The following TRAPPC9 variants were observed in gnomAD, a reference collection of about 807,000 sequenced individuals.
The protein encoded by TRAPPC9 is trafficking protein particle complex subunit 9.
Under a neutral mutation model 124.0 loss-of-function variants are expected in TRAPPC9, and 83 were observed. The observed-to-expected ratio is 0.67, with a 90% confidence interval of 0.56 to 0.80. The LOEUF is 0.80. Among genes scored for constraint, TRAPPC9 ranks in the 30% least tolerant of loss-of-function variants. The pLI is 0.00. For missense variants in TRAPPC9, 1,302 were observed against 1,508.3 expected, an observed-to-expected ratio of 0.86 and a Z score of 2.27; for synonymous variants, 638 against 617.5, an observed-to-expected ratio of 1.03 and a Z score of -0.49.
At chr8:139,939,028 C>T (rs1833725320) in intron 19 of TRAPPC9, among the ~76,000 whole-genome samples, 2 of 152,202 alleles carry the variant, frequency 1.3e-5, no homozygotes, top group African/African-American at 2.4e-5. Flanking sequence ...CTCCATTCCT[C>T]CCTGCCACTT....
intron 21 of TRAPPC9, among the ~76,000 whole-genome samples, chr8:139,818,602 T>C (rs368163842): frequency 3.3e-5 from 5 of 152,008 alleles, no homozygotes; most frequent in African/African-American, 1.2e-4. Flanking sequence ...AAAAAAATAG[T>C]AACACAGTCA....
At chr8:139,842,984 C>G (rs1826842480) in intron 21 of TRAPPC9, among the ~76,000 whole-genome samples, 1 of 152,226 alleles carries the variant, frequency 6.6e-6, no homozygotes, top group African/African-American at 2.4e-5. Context: ...TTGCCAGATG[C>G]TTCCAGCCAA....
intron 17 of TRAPPC9, among the ~76,000 whole-genome samples, chr8:140,202,255 A>C (rs964367584): frequency 6.6e-6 from 1 of 152,130 alleles, no homozygotes; most frequent in Non-Finnish European, 1.5e-5. Flanking sequence ...CTCTTTGGCC[A>C]AATTATGACA....
chr8:139,966,612 ACT>A, intron 19 of TRAPPC9, among the ~76,000 whole-genome samples: 1 of 152,240 alleles, frequency 6.6e-6, no homozygotes, highest in East Asian at 1.9e-4. Flanking sequence ...TGCTTGGCAC[ACT>A]CTGCGTCTCA....
intron 17 of TRAPPC9, among the ~76,000 whole-genome samples, chr8:140,113,596 G>A (rs2060822955): frequency 6.6e-6 from 1 of 152,196 alleles, no homozygotes; most frequent in Non-Finnish European, 1.5e-5. Flanking sequence ...AAGTCAGGGA[G>A]GAGACGCCAG....
At chr8:140,293,227 G>C (rs990095131) in intron 11 of TRAPPC9, among the ~76,000 whole-genome samples, 2 of 149,816 alleles carry the variant, frequency 1.3e-5, no homozygotes, top group Non-Finnish European at 3.0e-5. Context: ...AGGTGCTGGA[G>C]AGGATGTGGA....
intron 19 of TRAPPC9, among the ~76,000 whole-genome samples, chr8:139,979,270 G>C (rs554979813): frequency 5.0e-4 from 76 of 152,162 alleles, no homozygotes; most frequent in Non-Finnish European, 9.0e-4. Context: ...GGGAGTGAAG[G>C]CTCCGGTGGG....
At chr8:139,764,375 C>T (rs1303553604) in intron 21 of TRAPPC9, among the ~76,000 whole-genome samples, 2 of 152,144 alleles carry the variant, frequency 1.3e-5, no homozygotes, top group African/African-American at 2.4e-5. Flanking sequence ...GCTGAAGAAC[C>T]TGAAGCAGTC....
rs1327720466 is a variant in TRAPPC9 at position 139,984,280 on chromosome 8, C to T, written c.2810+4446G>A. ...GCAGAGAAAAGTTCTGTGCACCTGC[C>T]TCCCTCCCAGGTAGCAGTGAGAGCA... On this transcript the variant is annotated intron_variant, in intron 19 of 22. Transcript: ENST00000438773. The surrounding 1 kb of genome is among the most constrained non-coding windows in gnomAD (Gnocchi z 4.3). Among the ~76,000 whole-genome samples, 4 of 152,212 alleles carry T rather than the reference C, an allele frequency of 2.6e-5. No individual in the cohort carries two copies. Among genetic ancestry groups the T allele is most frequent in the Admixed American group, 1.3e-4 (2 of 15,290 alleles).
At chr8:139,784,637 ATATATAT>A (rs1822090377) in intron 21 of TRAPPC9, among the ~76,000 whole-genome samples, 4 of 142,746 alleles carry the variant, frequency 2.8e-5, no homozygotes, top group Admixed American at 7.2e-5. Context: ...ATATATATAT[ATATATAT>A]AAATCAACTG....
chr8:139,864,089 C>A (rs186991066), intron 21 of TRAPPC9, among the ~76,000 whole-genome samples: 14 of 152,290 alleles, frequency 9.2e-5, no homozygotes, highest in African/African-American at 3.4e-4. Context: ...CCCCCTCCCT[C>A]TCCTGCAGCC....
chr8:139,989,755 C>T (rs948447537), intron 18 of TRAPPC9, among the ~76,000 whole-genome samples: 6 of 152,226 alleles, frequency 3.9e-5, no homozygotes, highest in South Asian at 2.1e-4. Context: ...TCTCTCTAGC[C>T]GTGTGAGCTC....
At chr8:140,271,071 A>G (rs1309077142) in intron 15 of TRAPPC9, among the ~76,000 whole-genome samples, 2 of 152,268 alleles carry the variant, frequency 1.3e-5, no homozygotes, top group African/African-American at 4.8e-5. Flanking sequence ...AAGTTAAATT[A>G]CAGGAGATGT....
At chr8:140,282,681 T>C (rs541934667) in intron 14 of TRAPPC9, among the ~76,000 whole-genome samples, 3 of 152,172 alleles carry the variant, frequency 2.0e-5, no homozygotes, top group Non-Finnish European at 2.9e-5. Flanking sequence ...TTGAATTTTC[T>C]CAAGAATTTG....
intron 17 of TRAPPC9, among the ~76,000 whole-genome samples, chr8:140,190,387 G>A (rs544034630): frequency 6.6e-6 from 1 of 152,328 alleles, no homozygotes; most frequent in South Asian, 2.1e-4. Flanking sequence ...GAACTCGGGA[G>A]CCGGAGGTTG....
chr8:140,174,277 G>T (rs946313635), intron 17 of TRAPPC9, among the ~76,000 whole-genome samples: 1 of 151,906 alleles, frequency 6.6e-6, no homozygotes, highest in Non-Finnish European at 1.5e-5. Context: ...TGGACACTGG[G>T]CTTAATACCT....
intron 17 of TRAPPC9, among the ~76,000 whole-genome samples, chr8:140,139,191 T>C (rs2130760926): frequency 6.6e-6 from 1 of 152,270 alleles, no homozygotes; most frequent in African/African-American, 2.4e-5. Context: ...AGTCAGGGAA[T>C]GGTGGGTTCC....
chr8:139,797,718 G>T (rs1204273395), intron 21 of TRAPPC9, among the ~76,000 whole-genome samples: 2 of 152,170 alleles, frequency 1.3e-5, no homozygotes, highest in Non-Finnish European at 2.9e-5. Flanking sequence ...TTTGCATAAG[G>T]ATCTCTGGTT....
intron 11 of TRAPPC9, among the ~76,000 whole-genome samples, chr8:140,299,023 G>C (rs115790224): frequency 6.6e-6 from 1 of 152,218 alleles, no homozygotes; most frequent in African/African-American, 2.4e-5. Context: ...AGCACCGCTA[G>C]AGATGGTGGG....
Sources: allele counts gnomAD v4.1 joint callset (sites outside exome capture counted in the v4.1 genomes callset), GRCh38; gene constraint gnomAD v4.1.1; non-coding constraint Gnocchi (gnomAD v3.1); transcripts MANE v1.5; gene names NCBI Gene and HGNC (gene_info 2026-07-23, HGNC 2026-07-21).